Variants in GFM1 observed in about 807,000 individuals in gnomAD.
The protein encoded by GFM1 is elongation factor G, mitochondrial.
Under a neutral mutation model 96.2 loss-of-function variants are expected in GFM1, and 62 were observed. That is an observed-to-expected ratio of 0.64 (90% confidence interval 0.53 to 0.80). GFM1 has a LOEUF of 0.80. Among genes scored for constraint, GFM1 ranks in the 30% least tolerant of loss-of-function variants. The pLI, the probability that GFM1 is intolerant of heterozygous loss-of-function variation, is 0.00. For missense variants in GFM1, 852 were observed against 916.6 expected (o/e 0.93, Z 0.91); for synonymous variants, 282 against 312.9 (o/e 0.90, Z 1.04).
rs201727979 is a variant in GFM1, at chr3:158,646,184, T to C, written c.254T>C (p.Val85Ala). ...KMHEVKGKDG[V>A]GAVMDSMELE... ...GTTTAGGTGAAAGGTAAAGATGGAGTTGGTGCTGTCATGGATTCCATGGAA... is the reference window on the plus strand; with the variant it reads ...GTTTAGGTGAAAGGTAAAGATGGAGCTGGTGCTGTCATGGATTCCATGGAA... Residue 85 changes from valine (V) to alanine (A), a missense_variant, in exon 3 of 18, where the codon GTT becomes GCT. Val to Ala is a moderately conservative substitution (Grantham distance 64). Transcript: ENST00000486715. The C allele has an allele frequency of 6.2e-7, 1 of 1,614,138 alleles. No individual in the cohort carries two copies. The highest frequency in any genetic ancestry group is 8.5e-7 in the Non-Finnish European group (1 of 1,180,018).
chr3:158,691,166 T>C lies in GFM1; in HGVS notation c.2098T>C (p.Ser700Pro). ...DVPLNDMFGY[S>P]TELRSCTEGK... ...CCCTCTAAATGATATGTTTGGTTAT[T>C]CCACTGAACTTAGGTCATGCACAGA... Residue 700 changes from serine (S) to proline (P), a missense_variant, in exon 17 of 18, where the codon TCC (serine) becomes CCC (proline). Physicochemically the swap from Ser to Pro is moderately conservative, Grantham distance 74 (BLOSUM62 -1). Transcript: ENST00000486715. The C allele has an allele frequency of 6.2e-7, 1 of 1,612,632 alleles. No homozygotes were observed. Among genetic ancestry groups the C allele is most frequent in the Non-Finnish European group, 8.5e-7 (1 of 1,178,722 alleles).
chr3:158,654,534 CT>C lies in GFM1; in HGVS notation c.999-9del. 1.4e-6 allele frequency: 2 copies of C among 1,434,186 alleles called. No homozygotes were observed. The highest frequency in any genetic ancestry group is 1.1e-5 in the South Asian group (1 of 86,990). The allele number at this position is 1,434,186 out of a possible 1,614,324, so 88.8% of individuals were successfully genotyped here. Reference sequence around the variant, plus strand: ...TATTACATCTCATAGATTTATATTTCTTTTATTTTAAGTGACTCAAAAGAGA... The same window carrying C: ...TATTACATCTCATAGATTTATATTTCTTTATTTTAAGTGACTCAAAAGAGA... On this transcript the variant is annotated splice_polypyrimidine_tract_variant and intron_variant, in intron 7 of 17. Transcript: ENST00000486715.
chr3:158,649,115 A>G lies in GFM1; in HGVS notation c.647A>G (p.Asp216Gly), dbSNP rs1722083858. 3 of 1,536,020 alleles carry G rather than the reference A, an allele frequency of 2.0e-6. No individual in the cohort carries two copies. Among genetic ancestry groups the G allele is most frequent in the African/African-American group, 1.4e-5 (1 of 72,886 alleles). Residue 216 changes from aspartate to glycine, a missense_variant, in exon 5 of 18, where the codon GAT becomes GGT. Physicochemically the swap from Asp to Gly is moderately conservative, Grantham distance 94. Coordinates refer to ENST00000486715, the MANE Select transcript of GFM1 (RefSeq NM_024996.7). ...GLEGNFKGIVDLIEERAIYFD... is the reference protein window; with the variant it reads ...GLEGNFKGIVGLIEERAIYFD... Reference sequence around the variant, plus strand: ...GAGGGTAATTTTAAAGGTATTGTAGATCTTATTGAGGAACGAGCCATCTAT... The same window carrying G: ...GAGGGTAATTTTAAAGGTATTGTAGGTCTTATTGAGGAACGAGCCATCTAT...
chr3:158,686,881 C>T (rs976697511), intron 15 of GFM1, among the ~76,000 whole-genome samples: 1 of 151,550 alleles, frequency 6.6e-6, no homozygotes, highest in Non-Finnish European at 1.5e-5. Context: ...TATAGGCATG[C>T]ACCACCATGC....
chr3:158,666,774 A>G (rs982022781), intron 13 of GFM1: 2 of 1,581,428 alleles, frequency 1.3e-6, no homozygotes. Flanking sequence ...ATGCCATGAT[A>G]AAATTCAGAA....
Position 158,653,437 on chromosome 3 carries a change from T to G in GFM1, c.968T>G (p.Val323Gly), listed in dbSNP as rs992952347. ...GAATACCTCCCAAATCCATCTGAAG[T>G]CCAGAACTATGCTATTCTCAATAAA... ...VLEYLPNPSE[V>G]QNYAILNKED... The change falls in exon 7 of 18, where the codon GTC becomes GGC. Residue 323 changes from valine to glycine, a missense_variant. By Grantham distance (109) the Val-to-Gly change is moderately radical (BLOSUM62 -3). Coordinates refer to ENST00000486715, the MANE Select transcript of GFM1 (RefSeq NM_024996.7). 3.7e-6 allele frequency: 6 copies of G among 1,613,120 alleles called. No individual in the cohort carries two copies. Among genetic ancestry groups the G allele is most frequent in the Non-Finnish European group, 5.1e-6 (6 of 1,179,278 alleles).
chr3:158,675,076 C>T (rs1724755977), intron 13 of GFM1, among the ~76,000 whole-genome samples: 1 of 152,066 alleles, frequency 6.6e-6, no homozygotes, highest in South Asian at 2.1e-4. Context: ...GTCACGAGGT[C>T]AAGAGTTCAA....
At chr3:158,690,084 T>C in intron 15 of GFM1, 79 bp from the exon 16 acceptor site, 1 of 1,276,056 alleles carries the variant, frequency 7.8e-7, no homozygotes, top group Admixed American at 1.7e-5. Flanking sequence ...AAGCATCATT[T>C]TTCTCCCTTT....
Position 158,644,728 on chromosome 3 carries a change from A to G in GFM1, c.81+13A>G. ...GCAGAGGAAGCAGGTACCGGAGCAT[A>G]GAGAGGCTAAATCGGGACCATTCCC... is the stretch of plus-strand genomic sequence containing the variant. On this transcript the variant is annotated intron_variant, in intron 1 of 17. Coordinates refer to ENST00000486715, the MANE Select transcript of GFM1 (RefSeq NM_024996.7). 6.4e-7 allele frequency: 1 copy of G among 1,566,798 alleles called. No homozygotes were observed. Among genetic ancestry groups the G allele is most frequent in the Non-Finnish European group, 8.7e-7 (1 of 1,155,358 alleles).
chr3:158,660,155 A>G (rs1576746941), intron 9 of GFM1: 2 of 151,732 alleles, frequency 1.3e-5, no homozygotes, highest in African/African-American at 4.8e-5. Flanking sequence ...CTTCCTTTAC[A>G]GGTTTCCTGT....
chr3:158,646,613 G>T, intron 3 of GFM1, 130 bp from the exon 4 acceptor site: 1 of 871,710 alleles, frequency 1.1e-6, no homozygotes. Context: ...GAATAGTATT[G>T]GTGAGCTCAG....
chr3:158,644,704 C>A lies in GFM1; in HGVS notation c.70C>A (p.Gln24Lys). Residue 24 changes from glutamine to lysine, a missense_variant, in exon 1 of 18, where the codon CAG becomes AAG. By Grantham distance (53) the Gln-to-Lys change is moderately conservative. Coordinates refer to ENST00000486715, the MANE Select transcript of GFM1 (RefSeq NM_024996.7). ...RGRAPASLGWQRKQVNWKACR... is the reference protein window; with the variant it reads ...RGRAPASLGWKRKQVNWKACR... ...AAGGGCCCCCGCCTCCCTAGGCTGG[C>A]AGAGGAAGCAGGTACCGGAGCATAG... 6.3e-7 allele frequency: 1 copy of A among 1,576,010 alleles called. No homozygotes were observed. Among genetic ancestry groups the A allele is most frequent in the Non-Finnish European group, 8.6e-7 (1 of 1,161,344 alleles).
intron 9 of GFM1, among the ~76,000 whole-genome samples, chr3:158,659,718 C>T (rs1375613884): frequency 6.6e-6 from 1 of 152,228 alleles, no homozygotes; most frequent in Non-Finnish European, 1.5e-5. Flanking sequence ...CCCCTACCCC[C>T]ACCCTCTCCC....
chr3:158,664,103 T>C (rs997392816), intron 11 of GFM1, among the ~76,000 whole-genome samples: 4 of 152,210 alleles, frequency 2.6e-5, no homozygotes, highest in Non-Finnish European at 5.9e-5. Flanking sequence ...AATTCTGCCT[T>C]GCAGCATTGT....
chr3:158,675,090 C>G (rs1014380265), intron 13 of GFM1, among the ~76,000 whole-genome samples: 5 of 151,888 alleles, frequency 3.3e-5, no homozygotes, highest in Non-Finnish European at 7.4e-5. Flanking sequence ...AGTTCAAGAC[C>G]AGCCTGGCCA....
At chr3:158,644,977 A>T in intron 1 of GFM1, 2 of 356,460 alleles carry the variant, frequency 5.6e-6, no homozygotes, top group Non-Finnish European at 9.9e-6. Context: ...CACCTTTTCT[A>T]AGGTTTTTTT....
chr3:158,655,256 C>T (rs1441202188), intron 8 of GFM1, among the ~76,000 whole-genome samples: 4 of 151,988 alleles, frequency 2.6e-5, no homozygotes, highest in Admixed American at 6.6e-5. Flanking sequence ...GAGGCCAAGG[C>T]GGGCGGATCA....
intron 13 of GFM1, among the ~76,000 whole-genome samples, chr3:158,681,317 T>C (rs1725362383): frequency 6.6e-6 from 1 of 152,216 alleles, no homozygotes; most frequent in South Asian, 2.1e-4. Context: ...GATTTTCCAG[T>C]GAAACAGTAG....
At chr3:158,649,709 T>C (rs1722134094) in intron 5 of GFM1, 1 of 345,198 alleles carries the variant, frequency 2.9e-6, no homozygotes, top group Admixed American at 4.2e-5. Context: ...AGCTCTTGAG[T>C]GACCTTTACC....
Sources: allele counts gnomAD v4.1 joint callset (sites outside exome capture counted in the v4.1 genomes callset), GRCh38; gene constraint gnomAD v4.1.1; transcripts MANE v1.5; gene names NCBI Gene and HGNC (gene_info 2026-07-23, HGNC 2026-07-21).